Variants in SYNDIG1 observed in about 807,000 individuals in gnomAD.
SYNDIG1 encodes synapse differentiation-inducing gene protein 1.
In SYNDIG1, 9 loss-of-function variants were observed where a neutral mutation model predicts 19.4. The ratio of observed to expected loss-of-function variants is 0.46; its 90% CI spans 0.28 to 0.81. The LOEUF (loss-of-function observed/expected upper bound fraction) is 0.81, where lower values mean the gene tolerates loss of function less well. Among genes scored for constraint, SYNDIG1 ranks in the 30% least tolerant of loss-of-function variants. SYNDIG1 has a pLI of 0.12. For synonymous variants in SYNDIG1, 141 were observed against 145.9 expected, an observed-to-expected ratio of 0.97 and a Z score of 0.24; for missense variants, 311 against 343.3, an observed-to-expected ratio of 0.91 and a Z score of 0.74.
chr20:24,598,257 G>A (rs1054499126), intron 3 of SYNDIG1, among the ~76,000 whole-genome samples: 5 of 151,968 alleles, frequency 3.3e-5, no homozygotes, highest in South Asian at 4.1e-4. Flanking sequence ...TGCTTTAGAC[G>A]CACAATTCCA....
intron 3 of SYNDIG1, among the ~76,000 whole-genome samples, chr20:24,644,967 T>C (rs2059410050): frequency 6.6e-6 from 1 of 152,152 alleles, no homozygotes; most frequent in Admixed American, 6.5e-5. Flanking sequence ...GATGAGGAAA[T>C]TGAAGCACAG....
At chr20:24,577,174 G>A (rs746324003) in intron 2 of SYNDIG1, among the ~76,000 whole-genome samples, 28 of 152,226 alleles carry the variant, frequency 1.8e-4, no homozygotes, top group Non-Finnish European at 3.7e-4. Context: ...CCATACAGCT[G>A]TGTATGTGTG....
chr20:24,628,324 T>G (rs946997954), intron 3 of SYNDIG1, among the ~76,000 whole-genome samples: 12 of 152,358 alleles, frequency 7.9e-5, no homozygotes, highest in African/African-American at 2.9e-4. Flanking sequence ...AGTACTCCTC[T>G]GCAGTCAGCA....
intron 3 of SYNDIG1, among the ~76,000 whole-genome samples, chr20:24,626,824 G>A (rs201451207): frequency 6.6e-6 from 1 of 152,248 alleles, no homozygotes; most frequent in East Asian, 1.9e-4. Context: ...CTGCAATCCC[G>A]GCACCTCGGG....
intron 3 of SYNDIG1, among the ~76,000 whole-genome samples, chr20:24,596,567 T>C (rs1025973914): frequency 2.6e-5 from 4 of 151,676 alleles, no homozygotes; most frequent in African/African-American, 7.3e-5. Context: ...TTAGTAGAGA[T>C]AGAGTTTTGC....
rs558110238 is a variant in SYNDIG1 at position 24,557,943 on chromosome 20, G to A, written c.480+14366G>A. ...CATCTTGGCTGCCTCGCCGGAAGAG[G>A]GCTTTAATCAGGTGCTGCAGCCGAG... is the stretch of plus-strand genomic sequence containing the variant. On this transcript the variant is annotated intron_variant, in intron 2 of 3. Transcript: ENST00000376862. Among the ~76,000 whole-genome samples the A allele has an allele frequency of 2.0e-5, 3 of 152,338 alleles. No homozygotes were observed. The South Asian group carries it at 6.2e-4, about 32-fold the overall frequency.
At chr20:24,645,125 G>A (rs561996094) in intron 3 of SYNDIG1, among the ~76,000 whole-genome samples, 15 of 152,270 alleles carry the variant, frequency 9.9e-5, no homozygotes, top group Non-Finnish European at 1.3e-4. Flanking sequence ...GTTACCAAGC[G>A]TGCCTCCTGG....
chr20:24,544,422 C>T (rs564351827), intron 2 of SYNDIG1, among the ~76,000 whole-genome samples: 4 of 152,238 alleles, frequency 2.6e-5, no homozygotes, highest in Non-Finnish European at 5.9e-5. Flanking sequence ...AGGAAACCGC[C>T]GAGCAGGTCC....
intron 1 of SYNDIG1, among the ~76,000 whole-genome samples, chr20:24,539,779 G>C (rs2057433327): frequency 6.6e-6 from 1 of 151,304 alleles, no homozygotes; most frequent in Non-Finnish European, 1.5e-5. Flanking sequence ...TTGTTTGTTT[G>C]TTTGTTTGTT....
rs554392730 is a variant in SYNDIG1, at chr20:24,559,396, A to G, written c.480+15819A>G. On this transcript the variant is annotated intron_variant, in intron 2 of 3. Coordinates refer to ENST00000376862, the MANE Select transcript of SYNDIG1 (RefSeq NM_024893.3). ...TCTAAAAAGCCATGACCTGACCACT[A>G]TGCAATTTATGCATGTCATAAAAGT... Among the ~76,000 whole-genome samples the G allele has an allele frequency of 7.9e-5, 12 of 152,320 alleles. No individual in the cohort carries two copies. In the South Asian group the frequency reaches 1.2e-3, roughly 16 times the overall value.
chr20:24,545,766 T>C (rs1002450612), intron 2 of SYNDIG1, among the ~76,000 whole-genome samples: 19 of 152,150 alleles, frequency 1.2e-4, no homozygotes, highest in Admixed American at 6.5e-4. Flanking sequence ...TTCTCTGATC[T>C]AGCAGCAGAA....
chr20:24,485,807 G>A (rs1319601321), intron 1 of SYNDIG1, among the ~76,000 whole-genome samples: 1 of 152,134 alleles, frequency 6.6e-6, no homozygotes, highest in Non-Finnish European at 1.5e-5. Context: ...AGTGCGGTTG[G>A]AGCTGGATCT....
At chr20:24,629,524 A>G (rs571478966) in intron 3 of SYNDIG1, among the ~76,000 whole-genome samples, 189 of 152,078 alleles carry the variant, frequency 1.2e-3, no homozygotes, top group Non-Finnish European at 2.2e-3. Context: ...CAGGAAGCCA[A>G]ATGAGGACCA....
chr20:24,662,475 G>T (rs779881453), intron 3 of SYNDIG1, among the ~76,000 whole-genome samples: 1 of 152,132 alleles, frequency 6.6e-6, no homozygotes, highest in Non-Finnish European at 1.5e-5. Context: ...TGGGGGCTAC[G>T]TCTGATGCCC....
At chr20:24,587,973 AAAC>A (rs1469572697) in intron 3 of SYNDIG1, among the ~76,000 whole-genome samples, 2 of 152,238 alleles carry the variant, frequency 1.3e-5, no homozygotes, top group Non-Finnish European at 2.9e-5. Context: ...CAGAAAAACA[AAAC>A]AACATCTTAT....
chr20:24,650,923 C>T (rs1482525288), intron 3 of SYNDIG1, among the ~76,000 whole-genome samples: 1 of 152,146 alleles, frequency 6.6e-6, no homozygotes, highest in African/African-American at 2.4e-5. Flanking sequence ...GCAACCCCCG[C>T]CTCCAGGGCT....
chr20:24,570,289 G>A (rs993830273), intron 2 of SYNDIG1, among the ~76,000 whole-genome samples: 3 of 152,070 alleles, frequency 2.0e-5, no homozygotes, highest in Non-Finnish European at 4.4e-5. Flanking sequence ...ATAAAAGAAA[G>A]AATAGACAAA....
intron 3 of SYNDIG1, among the ~76,000 whole-genome samples, chr20:24,601,812 CT>C (rs1287898662): frequency 4.6e-5 from 7 of 152,114 alleles, no homozygotes; most frequent in African/African-American, 1.7e-4. Flanking sequence ...AAAGAACATC[CT>C]TTAGAATTTC....
At chr20:24,627,568 A>C (rs2059169225) in intron 3 of SYNDIG1, among the ~76,000 whole-genome samples, 1 of 152,238 alleles carries the variant, frequency 6.6e-6, no homozygotes, top group Admixed American at 6.5e-5. Flanking sequence ...TTTTTCCTGC[A>C]CTTCAGAAAA....
Sources: gnomAD v4.1 joint callset for allele counts (sites outside exome capture counted in the v4.1 genomes callset) on GRCh38, gnomAD v4.1.1 for gene constraint, MANE v1.5 for transcripts, NCBI Gene and HGNC (gene_info 2026-07-23, HGNC 2026-07-21) for gene names.